The following SLIT3 variants were observed in gnomAD, a reference collection of about 807,000 sequenced individuals.
The protein encoded by SLIT3 is slit homolog 3 protein.
Under a neutral mutation model 184.0 loss-of-function variants are expected in SLIT3, and 68 were observed. The observed-to-expected ratio is 0.37, with a 90% CI of 0.30 to 0.45. The LOEUF (loss-of-function observed/expected upper bound fraction) is 0.45, where lower values mean the gene tolerates loss of function less well. SLIT3 is among the 20% of genes least tolerant of loss of function. The pLI, the probability that SLIT3 is intolerant of heterozygous loss-of-function variation, is 1.00. For missense variants in SLIT3, 1,707 were observed against 2,026.0 expected (o/e 0.84, Z 3.02); for synonymous variants, 831 against 828.6 (o/e 1.00, Z -0.05).
intron 4 of SLIT3, among the ~76,000 whole-genome samples, chr5:169,106,502 T>C (rs1216737439): frequency 2.6e-5 from 4 of 152,308 alleles, no homozygotes; most frequent in Middle Eastern, 3.4e-3. Context: ...GCTATAATCA[T>C]TCCAGTGCCA....
chr5:169,082,789 C>G (rs899347218), intron 4 of SLIT3, among the ~76,000 whole-genome samples: 1 of 152,188 alleles, frequency 6.6e-6, no homozygotes, highest in Non-Finnish European at 1.5e-5. Flanking sequence ...GTTTATCTTT[C>G]GACCTTACAT....
At chr5:169,133,713 T>C (rs576010457) in intron 4 of SLIT3, among the ~76,000 whole-genome samples, 82 of 152,306 alleles carry the variant, frequency 5.4e-4, no homozygotes, top group Middle Eastern at 3.4e-3. Flanking sequence ...AAAGCTGTCA[T>C]GGAAACACAA....
chr5:168,849,130 A>G (rs1472040475), intron 5 of SLIT3, among the ~76,000 whole-genome samples: 2 of 152,246 alleles, frequency 1.3e-5, no homozygotes, highest in African/African-American at 2.4e-5. Flanking sequence ...TTGAAAATAG[A>G]TATCTTCAGA....
chr5:169,192,193 C>A (rs1435071917), intron 4 of SLIT3, among the ~76,000 whole-genome samples: 1 of 152,128 alleles, frequency 6.6e-6, no homozygotes, highest in Non-Finnish European at 1.5e-5. Context: ...TCCAGGCAGA[C>A]CCAGACTGGA....
chr5:169,062,992 T>C lies in SLIT3; in HGVS notation c.413+130487A>G, dbSNP rs555563807. ...CCTTTTCTAAGATGTTTCTCACATT[T>C]TGTAATATAAACTGTTCTTGTTTGA... On this transcript the variant is annotated intron_variant, in intron 4 of 35. Coordinates refer to ENST00000519560, the MANE Select transcript of SLIT3 (RefSeq NM_003062.4). Among the ~76,000 whole-genome samples the C allele has an allele frequency of 5.3e-5, 8 of 152,354 alleles. No homozygotes were observed. In the South Asian group the frequency reaches 1.7e-3, roughly 32 times the overall value.
intron 4 of SLIT3, among the ~76,000 whole-genome samples, chr5:168,900,666 T>C (rs1486532156): frequency 1.3e-5 from 2 of 152,190 alleles, no homozygotes; most frequent in East Asian, 3.9e-4. Context: ...CACTTGTATG[T>C]TTATCTTAGC....
chr5:168,975,379 A>G (rs941688782), intron 4 of SLIT3, among the ~76,000 whole-genome samples: 2 of 152,164 alleles, frequency 1.3e-5, no homozygotes, highest in African/African-American at 4.8e-5. Flanking sequence ...AGTCTCACGT[A>G]TGCTGTCCTG....
chr5:168,958,820 C>T (rs1301017444), intron 4 of SLIT3, among the ~76,000 whole-genome samples: 1 of 152,238 alleles, frequency 6.6e-6, no homozygotes, highest in Admixed American at 6.5e-5. Flanking sequence ...CAAACTCCAT[C>T]CTTCTCCCTC....
At chr5:168,934,960 T>G (rs1581224790) in intron 4 of SLIT3, among the ~76,000 whole-genome samples, 1 of 132,906 alleles carries the variant, frequency 7.5e-6, no homozygotes, top group South Asian at 2.4e-4. Flanking sequence ...AAACCCCATC[T>G]CTACTAAAAA....
At chr5:168,749,767 G>T in intron 18 of SLIT3, 132 bp from the exon 19 acceptor site, 2 of 878,690 alleles carry the variant, frequency 2.3e-6, no homozygotes, top group East Asian at 2.5e-5. Context: ...CTCTTCCCCA[G>T]ATGCAGTCTC....
intron 5 of SLIT3, among the ~76,000 whole-genome samples, chr5:168,861,661 A>G (rs2113749273): frequency 6.6e-6 from 1 of 152,286 alleles, no homozygotes; most frequent in African/African-American, 2.4e-5. Context: ...TCACCAGAGA[A>G]AATTTGCACA....
At chr5:168,875,800 AG>A (rs1279352378) in intron 5 of SLIT3, among the ~76,000 whole-genome samples, 4 of 151,930 alleles carry the variant, frequency 2.6e-5, no homozygotes, top group Admixed American at 2.6e-4. Flanking sequence ...GAAGGGAAAG[AG>A]AAGGGTGGAG....
At chr5:169,027,433 G>A (rs1313812823) in intron 4 of SLIT3, among the ~76,000 whole-genome samples, 2 of 152,140 alleles carry the variant, frequency 1.3e-5, no homozygotes, top group Non-Finnish European at 1.5e-5. Flanking sequence ...CATTTTCCCA[G>A]GAACATGCAG....
intron 4 of SLIT3, among the ~76,000 whole-genome samples, chr5:168,961,680 A>G (rs1763013416): frequency 6.6e-6 from 1 of 152,164 alleles, no homozygotes; most frequent in South Asian, 2.1e-4. Flanking sequence ...TGTGGTGCAG[A>G]AAGCAGGATG....
intron 4 of SLIT3, among the ~76,000 whole-genome samples, chr5:169,040,067 G>T (rs1308539120): frequency 6.6e-6 from 1 of 152,140 alleles, no homozygotes; most frequent in Non-Finnish European, 1.5e-5. Context: ...CCATTTAGAT[G>T]AGATATAAAC....
chr5:168,743,407 T>C (rs1027870224), intron 20 of SLIT3, among the ~76,000 whole-genome samples: 5 of 152,216 alleles, frequency 3.3e-5, no homozygotes, highest in African/African-American at 1.2e-4. Context: ...TGATCTGTGA[T>C]CAGTGATCTT....
intron 4 of SLIT3, among the ~76,000 whole-genome samples, chr5:168,938,334 T>C (rs1385673375): frequency 1.3e-5 from 2 of 152,208 alleles, no homozygotes; most frequent in Non-Finnish European, 2.9e-5. Context: ...TCACAGAGAA[T>C]GTTTGATTCT....
intron 4 of SLIT3, among the ~76,000 whole-genome samples, chr5:169,076,071 T>G (rs530463090): frequency 6.6e-6 from 1 of 152,148 alleles, no homozygotes; most frequent in East Asian, 1.9e-4. Context: ...TGTATGAGAG[T>G]GAAGGTGGCC....
chr5:168,859,384 A>C (rs892217057), intron 5 of SLIT3, among the ~76,000 whole-genome samples: 1 of 152,104 alleles, frequency 6.6e-6, no homozygotes, highest in Non-Finnish European at 1.5e-5. Context: ...TGTAATTAAA[A>C]CCAGCACCAT....
Sources: gnomAD v4.1 joint callset for allele counts (sites outside exome capture counted in the v4.1 genomes callset) on GRCh38, gnomAD v4.1.1 for gene constraint, MANE v1.5 for transcripts, NCBI Gene and HGNC (gene_info 2026-07-23, HGNC 2026-07-21) for gene names.